The following COPS7B variants were observed in gnomAD, a reference collection of about 807,000 sequenced individuals.
The protein encoded by COPS7B is COP9 signalosome subunit 7B, also known as COP9 signalosome complex subunit 7b.
COPS7B carries 9 observed loss-of-function variants against 33.4 expected under a neutral mutation model. The observed-to-expected ratio is 0.27, with a 90% confidence interval of 0.16 to 0.47. The LOEUF is 0.47. COPS7B is among the 20% of genes least tolerant of loss of function. COPS7B has a pLI of 0.99. For synonymous variants in COPS7B, 119 were observed against 126.3 expected, an observed-to-expected ratio of 0.94 and a Z score of 0.39; for missense variants, 242 against 318.2, an observed-to-expected ratio of 0.76 and a Z score of 1.82.
intron 3 of COPS7B, chr2:231,794,023 T>C: frequency 2.0e-6 from 1 of 489,534 alleles, no homozygotes; most frequent in South Asian, 2.7e-5. Context: ...AATTGCCACA[T>C]CATTTTGCTT....
upstream of COPS7B, among the ~76,000 whole-genome samples, chr2:231,782,956 AG>A (rs1406668810): frequency 6.6e-6 from 1 of 152,164 alleles, no homozygotes; most frequent in Admixed American, 6.5e-5. Flanking sequence ...CCTCCCAATC[AG>A]TATTACATCC....
chr2:231,781,754 C>G, upstream of COPS7B: 1 of 1,366,454 alleles, frequency 7.3e-7, no homozygotes, highest in South Asian at 1.3e-5. Flanking sequence ...AACCCGCCCG[C>G]TGAGTTGGTC....
chr2:231,784,004 G>C (rs2049183380), upstream of COPS7B, among the ~76,000 whole-genome samples: 1 of 152,028 alleles, frequency 6.6e-6, no homozygotes, highest in Non-Finnish European at 1.5e-5. Context: ...TGCTTTTAGA[G>C]TTGGCAGGTT....
chr2:231,792,438 G>C (rs2049444577), intron 3 of COPS7B, among the ~76,000 whole-genome samples: 1 of 152,186 alleles, frequency 6.6e-6, no homozygotes, highest in Admixed American at 6.5e-5. Context: ...ACTGTAGTAA[G>C]CTGAGATTGC....
At chr2:231,796,359 CT>C in intron 5 of COPS7B, 51 bp downstream of exon 5, 1 of 1,560,758 alleles carries the variant, frequency 6.4e-7, no homozygotes. Context: ...TGTGCCTCTC[CT>C]TGCAAAAATG....
At position 231,788,491 on chromosome 2, in the gene COPS7B, C is replaced by G. The variant is rs2049317084; in HGVS notation, c.-16-64C>G. 15 of 1,484,274 alleles carry G rather than the reference C, an allele frequency of 1.0e-5. No homozygotes were observed. In the South Asian group the frequency reaches 1.8e-4, roughly 18 times the overall value. 91.9% of individuals were successfully genotyped at this position (1,484,274 alleles called of 1,614,324 possible). On this transcript the variant is annotated intron_variant, in intron 1 of 6. Transcript: ENST00000350033. ...AAGTATTCTGGTGTTTGATTCAGCA[C>G]TGAATAGGCACAGACTTTGCAAAGG...
chr2:231,786,442 GC>G, upstream of COPS7B: 4 of 985,954 alleles, frequency 4.1e-6, no homozygotes, highest in Non-Finnish European at 4.8e-6. Flanking sequence ...ACAGAAAAGC[GC>G]CGGACGCCGG....
At chr2:231,782,619 G>A (rs533293253), upstream of COPS7B, among the ~76,000 whole-genome samples, 28 of 152,148 alleles carry the variant, frequency 1.8e-4, no homozygotes, top group Non-Finnish European at 1.2e-4. Context: ...AAAAGGTGAA[G>A]GACATGGTCA....
At chr2:231,805,058 G>T (rs937962904) in intron 6 of COPS7B, among the ~76,000 whole-genome samples, 1 of 152,124 alleles carries the variant, frequency 6.6e-6, no homozygotes, top group Non-Finnish European at 1.5e-5. Flanking sequence ...CCTTAGCTGG[G>T]CATGATAGTA....
At chr2:231,782,847 G>T (rs2049160960), upstream of COPS7B, among the ~76,000 whole-genome samples, 1 of 152,070 alleles carries the variant, frequency 6.6e-6, no homozygotes, top group Non-Finnish European at 1.5e-5. Context: ...TGTTAATGAG[G>T]TGTAACATAC....
intron 5 of COPS7B, among the ~76,000 whole-genome samples, chr2:231,796,763 T>TA (rs1386039994): frequency 6.6e-6 from 1 of 152,368 alleles, no homozygotes; most frequent in East Asian, 1.9e-4. Context: ...TAAAAGAACT[T>TA]ACGTTCAAAA....
chr2:231,794,409 A>C, intron 4 of COPS7B, 58 bp downstream of exon 4: 1 of 1,385,688 alleles, frequency 7.2e-7, no homozygotes, highest in Non-Finnish European at 1.0e-6. Flanking sequence ...TGTCTCATTG[A>C]CATCAATGAA....
Position 231,807,841 on chromosome 2 carries a change from C to T in COPS7B, c.*196C>T. 1.9e-6 allele frequency: 1 copy of T among 530,938 alleles called. No homozygotes were observed. The highest frequency in any genetic ancestry group is 2.6e-5 in the South Asian group (1 of 38,856). 32.9% of individuals were successfully genotyped at this position (530,938 alleles called of 1,614,324 possible). A position where few individuals can be genotyped will look rare whatever the true frequency, so the allele number is the denominator to read the frequency against. ...CCCACTCCCTCCTTCCCCAGTTGTT[C>T]CCTTCAGACTCAGGGGCTCCACCAA... On this transcript the variant is annotated 3_prime_UTR_variant, in exon 7 of 7. Coordinates refer to ENST00000350033, the MANE Select transcript of COPS7B (RefSeq NM_022730.4).
chr2:231,801,939 T>A (rs1164754207), intron 6 of COPS7B, among the ~76,000 whole-genome samples: 1 of 152,124 alleles, frequency 6.6e-6, no homozygotes, highest in African/African-American at 2.4e-5. Flanking sequence ...CACGCCCAGC[T>A]AATTTTTGTA....
At chr2:231,804,595 A>G (rs947296244) in intron 6 of COPS7B, among the ~76,000 whole-genome samples, 5 of 152,156 alleles carry the variant, frequency 3.3e-5, no homozygotes, top group African/African-American at 1.2e-4. Flanking sequence ...TTGAGGAAAT[A>G]AGGCTAAATA....
chr2:231,796,055 G>T (rs59929623), intron 4 of COPS7B, 51 bp from the exon 5 acceptor site: 4 of 1,538,260 alleles, frequency 2.6e-6, no homozygotes, highest in South Asian at 1.1e-5. Context: ...CTGCATTTTC[G>T]CTAATGCTTG....
rs372610541 is a variant in COPS7B at position 231,788,741 on chromosome 2, G to A, written c.162+9G>A. On this transcript the variant is annotated intron_variant, in intron 2 of 6. Transcript: ENST00000350033. ...TGGCCAACGTGCAGGAGGTAAGAAC[G>A]GTTTGCAAACAATTTCTCTTTATTC... The A allele has an allele frequency of 2.1e-5, 33 of 1,606,698 alleles. No homozygotes were observed. Among genetic ancestry groups the A allele is most frequent in the Non-Finnish European group, 2.8e-5 (33 of 1,177,708 alleles).
intron 2 of COPS7B, chr2:231,790,389 G>A (rs2049377955): frequency 6.6e-6 from 1 of 152,186 alleles, no homozygotes; most frequent in Non-Finnish European, 1.5e-5. Context: ...TAGATTGGAT[G>A]GTCTTTACCA....
At chr2:231,790,956 T>C (rs1168821458) in intron 2 of COPS7B, 1 of 154,126 alleles carries the variant, frequency 6.5e-6, no homozygotes, top group Admixed American at 6.5e-5. Context: ...GCCAGGATGG[T>C]CTCGATCTCC....
Sources: allele counts gnomAD v4.1 joint callset (sites outside exome capture counted in the v4.1 genomes callset), GRCh38; gene constraint gnomAD v4.1.1; transcripts MANE v1.5; gene names NCBI Gene and HGNC (gene_info 2026-07-23, HGNC 2026-07-21).